Variants in KCNH8 observed in about 807,000 individuals in gnomAD.
KCNH8 encodes the protein voltage-gated delayed rectifier potassium channel KCNH8.
KCNH8 carries 70 observed loss-of-function variants against 103.6 expected under a neutral mutation model. That is an observed-to-expected ratio of 0.68 (90% CI 0.56 to 0.82). The LOEUF (loss-of-function observed/expected upper bound fraction) is 0.82, where lower values mean the gene tolerates loss of function less well. KCNH8 is among the 40% of genes least tolerant of loss of function. The pLI, the probability that KCNH8 is intolerant of heterozygous loss-of-function variation, is 0.00. For synonymous variants in KCNH8, 498 were observed against 489.4 expected (o/e 1.02, Z -0.23); for missense variants, 1,217 against 1,329.9 (o/e 0.92, Z 1.32).
At chr3:19,325,009 C>T (rs1018716372) in intron 3 of KCNH8, among the ~76,000 whole-genome samples, 3 of 151,956 alleles carry the variant, frequency 2.0e-5, no homozygotes, top group Non-Finnish European at 4.4e-5. Flanking sequence ...AATGGAACAG[C>T]ATAGACAACT....
intron 3 of KCNH8, among the ~76,000 whole-genome samples, chr3:19,304,730 A>G (rs1006503381): frequency 1.3e-5 from 2 of 152,166 alleles, no homozygotes; most frequent in African/African-American, 4.8e-5. Flanking sequence ...TTCAGTGATG[A>G]CGGAGATGTT....
chr3:19,321,391 T>TAAGTCCATGGTTTCTTTGTTGACTTTCTG (rs1456074052), intron 3 of KCNH8, among the ~76,000 whole-genome samples: 1 of 152,032 alleles, frequency 6.6e-6, no homozygotes, highest in African/African-American at 2.4e-5. Context: ...GTCACTATTT[T>TAAGTCCATGGTTTCTTTGTTGACTTTCTG]TCAGTTCAAA....
intron 11 of KCNH8, among the ~76,000 whole-genome samples, chr3:19,458,351 G>A (rs1351065725): frequency 6.6e-6 from 1 of 151,900 alleles, no homozygotes; most frequent in African/African-American, 2.4e-5. Context: ...GTGAGTTAGG[G>A]GGTGGAAGTA....
At chr3:19,368,479 G>C (rs952987155) in intron 5 of KCNH8, among the ~76,000 whole-genome samples, 1 of 151,998 alleles carries the variant, frequency 6.6e-6, no homozygotes, top group African/African-American at 2.4e-5. Flanking sequence ...ATGAGGAGGA[G>C]CTTACCAAGG....
intron 1 of KCNH8, among the ~76,000 whole-genome samples, chr3:19,246,279 T>G (rs1240715480): frequency 7.1e-6 from 1 of 141,288 alleles, no homozygotes; most frequent in African/African-American, 2.6e-5. Context: ...TTGTTGTTTT[T>G]TTTTTTTTTT....
At chr3:19,383,921 G>A (rs1177196258) in intron 5 of KCNH8, among the ~76,000 whole-genome samples, 3 of 151,982 alleles carry the variant, frequency 2.0e-5, no homozygotes, top group African/African-American at 7.2e-5. Flanking sequence ...GTATGTTTAT[G>A]TTTAATCATT....
chr3:19,234,360 C>T (rs544370633), intron 1 of KCNH8, among the ~76,000 whole-genome samples: 29 of 152,208 alleles, frequency 1.9e-4, no homozygotes, highest in Non-Finnish European at 3.4e-4. Context: ...GAGGCTCCGG[C>T]CGCACAGGAG....
intron 1 of KCNH8, among the ~76,000 whole-genome samples, chr3:19,243,519 AATACAGTTCAGGAGACAG>A (rs1458387413): frequency 1.3e-5 from 2 of 152,184 alleles, no homozygotes; most frequent in Admixed American, 6.5e-5. Context: ...CAAAGCAGAG[AATACAGTTCAGGAGACAG>A]ATGAGGTTTT....
chr3:19,517,736 C>T lies in KCNH8; in HGVS notation c.2543-262C>T, dbSNP rs537555079. ...CTTGGAACGTGGTGGTGACTGTACT[C>T]GGGGAAATGGGGTGTTTGCAATGGA... is the stretch of plus-strand genomic sequence containing the variant. On this transcript the variant is annotated intron_variant, in intron 14 of 15. Coordinates refer to ENST00000328405, the MANE Select transcript of KCNH8 (RefSeq NM_144633.3). Among the ~76,000 whole-genome samples the T allele has an allele frequency of 9.2e-5, 14 of 151,940 alleles. No individual in the cohort carries two copies. In the East Asian group the frequency reaches 9.7e-4, roughly 11 times the overall value.
At chr3:19,289,565 G>T (rs2064887401) in intron 3 of KCNH8, among the ~76,000 whole-genome samples, 1 of 152,074 alleles carries the variant, frequency 6.6e-6, no homozygotes, top group African/African-American at 2.4e-5. Context: ...TGAGGGCTCT[G>T]TTCTGTTCCA....
intron 1 of KCNH8, among the ~76,000 whole-genome samples, chr3:19,210,348 A>G (rs2063757979): frequency 6.6e-6 from 1 of 152,044 alleles, no homozygotes; most frequent in African/African-American, 2.4e-5. Flanking sequence ...GCATAAAATG[A>G]AATTGTATCC....
chr3:19,390,102 T>C (rs2066414461), intron 5 of KCNH8, among the ~76,000 whole-genome samples: 1 of 152,118 alleles, frequency 6.6e-6, no homozygotes, highest in African/African-American at 2.4e-5. Flanking sequence ...AGAACAATAT[T>C]GGGTACATAG....
At chr3:19,485,261 C>A (rs1268627302) in intron 11 of KCNH8, among the ~76,000 whole-genome samples, 1 of 152,194 alleles carries the variant, frequency 6.6e-6, no homozygotes, top group Non-Finnish European at 1.5e-5. Flanking sequence ...CAGCCTCCAC[C>A]TACCTAGAGT....
chr3:19,428,646 G>T (rs912456301), intron 7 of KCNH8, among the ~76,000 whole-genome samples: 1 of 152,192 alleles, frequency 6.6e-6, no homozygotes, highest in Non-Finnish European at 1.5e-5. Context: ...AACAGCCTAT[G>T]AAGTGAGTTA....
intron 6 of KCNH8, among the ~76,000 whole-genome samples, chr3:19,392,514 C>T (rs74417950): frequency 0.012 from 1,783 of 151,958 alleles, 34 homozygotes; most frequent in African/African-American, 0.039. Context: ...ATTATGTTTT[C>T]TTCTCAGGAA....
chr3:19,149,390 G>C (rs1012410493), intron 1 of KCNH8, among the ~76,000 whole-genome samples: 2 of 151,988 alleles, frequency 1.3e-5, no homozygotes, highest in Non-Finnish European at 2.9e-5. Context: ...CACTCAAGCA[G>C]AGGCTGTTCA....
intron 5 of KCNH8, among the ~76,000 whole-genome samples, chr3:19,356,378 A>G (rs894795727): frequency 2.0e-5 from 3 of 151,966 alleles, no homozygotes; most frequent in Non-Finnish European, 2.9e-5. Flanking sequence ...ACTCAAAAAC[A>G]TTCTTCCCAT....
chr3:19,431,035 G>A (rs2067113961), intron 7 of KCNH8, among the ~76,000 whole-genome samples: 1 of 152,142 alleles, frequency 6.6e-6, no homozygotes, highest in Non-Finnish European at 1.5e-5. Context: ...AATAGGAGTG[G>A]TGAGAGAGGG....
chr3:19,365,417 C>T (rs1030380110), intron 5 of KCNH8, among the ~76,000 whole-genome samples: 1 of 151,860 alleles, frequency 6.6e-6, no homozygotes, highest in African/African-American at 2.4e-5. Flanking sequence ...ATAATTATTT[C>T]TCTGTGTTTT....
Sources: allele counts gnomAD v4.1 joint callset (sites outside exome capture counted in the v4.1 genomes callset), GRCh38; gene constraint gnomAD v4.1.1; transcripts MANE v1.5; gene names NCBI Gene and HGNC (gene_info 2026-07-23, HGNC 2026-07-21).